EPHB1: variants seen among roughly 807,000 people sequenced by gnomAD.
EPHB1 encodes the protein EPH receptor B1.
Under a neutral mutation model 94.4 loss-of-function variants are expected in EPHB1, and 30 were observed. The observed-to-expected ratio is 0.32, with a 90% CI of 0.24 to 0.43. The LOEUF (loss-of-function observed/expected upper bound fraction) is 0.43. EPHB1 is among the 20% of genes least tolerant of loss of function. EPHB1 has a pLI of 1.00. For synonymous variants in EPHB1, 522 were observed against 489.1 expected (o/e 1.07, Z -0.89); for missense variants, 1,055 against 1,308.3 (o/e 0.81, Z 2.99).
At chr3:135,131,266 A>C (rs1940405659) in intron 4 of EPHB1, among the ~76,000 whole-genome samples, 1 of 152,176 alleles carries the variant, frequency 6.6e-6, no homozygotes, top group South Asian at 2.1e-4. Flanking sequence ...TTCAAGTTTT[A>C]ATAGAACCCG....
At chr3:135,142,751 A>G (rs1447054619) in intron 5 of EPHB1, among the ~76,000 whole-genome samples, 2 of 152,128 alleles carry the variant, frequency 1.3e-5, no homozygotes, top group African/African-American at 4.8e-5. Context: ...AACCGAGATT[A>G]TATTGTTTAA....
At chr3:135,040,825 C>G (rs190822405) in intron 3 of EPHB1, among the ~76,000 whole-genome samples, 1 of 152,154 alleles carries the variant, frequency 6.6e-6, no homozygotes, top group Admixed American at 6.5e-5. Context: ...TTCTTAATAG[C>G]GTGACAAGGA....
At chr3:135,168,219 G>A (rs542822430) in intron 9 of EPHB1, among the ~76,000 whole-genome samples, 1 of 152,340 alleles carries the variant, frequency 6.6e-6, no homozygotes, top group South Asian at 2.1e-4. Flanking sequence ...CTGCTGCCCA[G>A]GGCACTTATT....
At chr3:134,816,218 G>C (rs2036268903) in intron 1 of EPHB1, among the ~76,000 whole-genome samples, 1 of 151,660 alleles carries the variant, frequency 6.6e-6, no homozygotes, top group African/African-American at 2.4e-5. Context: ...GAGTAGCTGG[G>C]ATTATAGGCA....
intron 4 of EPHB1, among the ~76,000 whole-genome samples, chr3:135,131,093 A>G (rs1030463000): frequency 2.0e-5 from 3 of 152,222 alleles, no homozygotes; most frequent in Non-Finnish European, 2.9e-5. Flanking sequence ...ATTTGAAAAG[A>G]GATGGATGTT....
intron 3 of EPHB1, among the ~76,000 whole-genome samples, chr3:135,022,557 G>T (rs1409091188): frequency 1.3e-5 from 2 of 151,976 alleles, no homozygotes; most frequent in East Asian, 1.9e-4. Flanking sequence ...CCTTATAATT[G>T]ACCTCTTAAG....
intron 3 of EPHB1, among the ~76,000 whole-genome samples, chr3:135,073,776 T>A (rs1249345328): frequency 1.3e-5 from 2 of 152,210 alleles, no homozygotes; most frequent in African/African-American, 4.8e-5. Flanking sequence ...CCTTTCTTTT[T>A]TTTTCTTGAA....
rs200074984 is a variant in EPHB1 at position 135,154,165 on chromosome 3, T to A, written c.1311T>A (p.Val437=). The A allele has an allele frequency of 1.9e-6, 3 of 1,613,828 alleles. No homozygotes were observed. Among genetic ancestry groups the A allele is most frequent in the Non-Finnish European group, 2.5e-6 (3 of 1,179,858 alleles). Residue 437 remains valine (V), a synonymous_variant, in exon 6 of 16, where the codon GTT becomes GTA. Transcript: ENST00000398015. Reference sequence around the variant, plus strand: ...CTCTCTCCACAGCCCCCTCCACCGTTCCCATCATGCACCAAGTCAGTGCCA... The same window carrying A: ...CTCTCTCCACAGCCCCCTCCACCGTACCCATCATGCACCAAGTCAGTGCCA... The part of the protein sequence containing the change: ...ITTNQAAPST[V]PIMHQVSATM...
intron 6 of EPHB1, among the ~76,000 whole-genome samples, chr3:135,160,712 T>C (rs1501205): frequency 0.35 from 53,184 of 152,064 alleles, 9,636 homozygotes; most frequent in East Asian, 0.57. Flanking sequence ...AGAGGCCATG[T>C]TGGTATACAA....
rs561810928 is a variant in EPHB1, at chr3:134,863,116, A to G, written c.59-62700A>G. The stretch of plus-strand genomic sequence containing the variant: ...CTCTCATCTTCCCCCATGCCTGTGC[A>G]CACACTGTGCACACTGCCTCTATTT... On this transcript the variant is annotated intron_variant, in intron 1 of 15. Transcript: ENST00000398015. 5.9e-5 allele frequency among the ~76,000 whole-genome samples: 9 copies of G among 152,284 alleles called. 1 individual carries two copies. Among genetic ancestry groups the G allele is most frequent in the Admixed American group, 2.0e-4 (3 of 15,302 alleles).
At chr3:134,982,881 G>GT (rs1168575710) in intron 3 of EPHB1, among the ~76,000 whole-genome samples, 7 of 151,894 alleles carry the variant, frequency 4.6e-5, no homozygotes, top group Non-Finnish European at 1.0e-4. Flanking sequence ...TTAAATAATG[G>GT]TTTACATCGG....
intron 1 of EPHB1, among the ~76,000 whole-genome samples, chr3:134,921,794 A>G (rs1195339309): frequency 2.0e-5 from 3 of 152,154 alleles, no homozygotes; most frequent in Admixed American, 6.5e-5. Context: ...ACTCAGCCTC[A>G]CCTTCTCCCC....
chr3:134,854,546 T>A (rs918660713), intron 1 of EPHB1, among the ~76,000 whole-genome samples: 1 of 152,142 alleles, frequency 6.6e-6, no homozygotes. Context: ...ACTGACAGCA[T>A]TCATTGCATC....
At chr3:135,223,333 C>A (rs1362608918) in intron 12 of EPHB1, among the ~76,000 whole-genome samples, 1 of 152,224 alleles carries the variant, frequency 6.6e-6, no homozygotes, top group Admixed American at 6.5e-5. Context: ...CTTGCTTCAA[C>A]CACAGCAGCT....
At chr3:135,199,348 C>A (rs1942700562) in intron 11 of EPHB1, among the ~76,000 whole-genome samples, 1 of 152,202 alleles carries the variant, frequency 6.6e-6, no homozygotes, top group Admixed American at 6.5e-5. Context: ...TTCGTGCTAG[C>A]AACAGCCTGC....
chr3:134,846,901 A>T (rs1410054111), intron 1 of EPHB1, among the ~76,000 whole-genome samples: 3 of 152,164 alleles, frequency 2.0e-5, no homozygotes, highest in Non-Finnish European at 4.4e-5. Flanking sequence ...TCCATTTATT[A>T]TCCTGGCAGG....
intron 3 of EPHB1, among the ~76,000 whole-genome samples, chr3:134,991,644 T>C (rs1176358456): frequency 6.6e-6 from 1 of 152,158 alleles, no homozygotes; most frequent in Admixed American, 6.5e-5. Flanking sequence ...CTTGCCCCAG[T>C]GCAAACACTC....
chr3:135,196,818 C>T (rs193261814), intron 11 of EPHB1, among the ~76,000 whole-genome samples: 31 of 152,252 alleles, frequency 2.0e-4, no homozygotes, highest in Non-Finnish European at 3.7e-4. Flanking sequence ...TATGCTTCAA[C>T]CACACATTCA....
rs2038694547 is a variant in EPHB1 at position 134,921,894 on chromosome 3, C to T, written c.59-3922C>T. Among the ~76,000 whole-genome samples the T allele has an allele frequency of 2.0e-5, 3 of 152,130 alleles. No homozygotes were observed. The East Asian group carries it at 5.8e-4, about 29-fold the overall frequency. ...GAGATGGAGAGAGACAGAGGGAGGG[C>T]AGAGGGACGGGGGAGGTTGTATGAC... is the stretch of plus-strand genomic sequence containing the variant. On this transcript the variant is annotated intron_variant, in intron 1 of 15. Coordinates refer to ENST00000398015, the MANE Select transcript of EPHB1 (RefSeq NM_004441.5).
Sources: allele counts gnomAD v4.1 joint callset (sites outside exome capture counted in the v4.1 genomes callset), GRCh38; gene constraint gnomAD v4.1.1; transcripts MANE v1.5; gene names NCBI Gene and HGNC (gene_info 2026-07-23, HGNC 2026-07-21).